The following NSD2 variants were observed in gnomAD, a reference collection of about 807,000 sequenced individuals.
NSD2 encodes the protein nuclear receptor binding SET domain protein 2.
A neutral mutation model predicts 139.0 loss-of-function variants in NSD2; 12 were observed. The ratio of observed to expected loss-of-function variants is 0.09; its 90% CI spans 0.06 to 0.14. NSD2 has a LOEUF of 0.14. NSD2 is among the 10% of genes least tolerant of loss of function. The pLI is 1.00. For synonymous variants in NSD2, 669 were observed against 648.7 expected (o/e 1.03, Z -0.48); for missense variants, 1,155 against 1,745.0 (o/e 0.66, Z 6.02).
chr4:1,948,853 C>G lies in NSD2; in HGVS notation c.1882-2219C>G. On this transcript the variant is annotated intron_variant, in intron 9 of 21. Coordinates refer to ENST00000508803, the MANE Select transcript of NSD2 (RefSeq NM_001042424.3). The surrounding 1 kb of genome is among the most constrained non-coding windows in gnomAD (Gnocchi z 4.5). ...TGCTTTGTGTTTTCTGTCTTTCTCT[C>G]CATGCATTTTTTTTCTCATTTTTAA... 1 of 986,522 alleles carries G rather than the reference C, an allele frequency of 1.0e-6. No homozygotes were observed. 61.1% of individuals were successfully genotyped at this position (986,522 alleles called of 1,614,324 possible).
At chr4:1,904,569 C>T (rs1373280461) in intron 3 of NSD2, among the ~76,000 whole-genome samples, 191 bp downstream of exon 3, 1 of 152,194 alleles carries the variant, frequency 6.6e-6, no homozygotes, top group Admixed American at 6.5e-5. Flanking sequence ...ATATGTACTT[C>T]ATCTGATTGA....
chr4:1,877,140 G>GA (rs796084991), intron 1 of NSD2, among the ~76,000 whole-genome samples: 68 of 145,872 alleles, frequency 4.7e-4, no homozygotes, highest in South Asian at 1.9e-3. Context: ...CTGTCTCAAG[G>GA]AAAAAAAAAA....
At chr4:1,940,974 G>A (rs1577501122) in intron 9 of NSD2, 5 of 1,057,956 alleles carry the variant, frequency 4.7e-6, no homozygotes, top group South Asian at 4.6e-5. Flanking sequence ...ACCTGTTCAC[G>A]GATGGTGGGA....
At chr4:1,959,993 T>TACA (rs1190686803) in intron 17 of NSD2, among the ~76,000 whole-genome samples, 2 of 152,146 alleles carry the variant, frequency 1.3e-5, no homozygotes, top group African/African-American at 2.4e-5. Context: ...CCCAAGCAGC[T>TACA]GGGACTACAG....
rs192511968 is a variant in NSD2 at position 1,973,873 on chromosome 4, G to A, written c.3373-990G>A. Reference sequence around the variant, plus strand: ...CACGCGGTTGTGCGGTGGATCTGGCGGCTCCTCAGGTGGAGGCCGGGGCCG... The same window carrying A: ...CACGCGGTTGTGCGGTGGATCTGGCAGCTCCTCAGGTGGAGGCCGGGGCCG... On this transcript the variant is annotated intron_variant, in intron 18 of 21. Coordinates refer to ENST00000508803, the MANE Select transcript of NSD2 (RefSeq NM_001042424.3). The surrounding 1 kb of genome is among the most constrained non-coding windows in gnomAD (Gnocchi z 5.5). 0.01 allele frequency among the ~76,000 whole-genome samples: 1,584 copies of A among 152,316 alleles called. 25 individuals are homozygous for A. Among genetic ancestry groups the A allele is most frequent in the African/African-American group, 0.036 (1,485 of 41,582 alleles).
chr4:1,920,199 C>G (rs1472418161), intron 5 of NSD2, among the ~76,000 whole-genome samples: 2 of 152,164 alleles, frequency 1.3e-5, no homozygotes, highest in Admixed American at 6.5e-5. Flanking sequence ...CCTGTAATCT[C>G]AGCACATTGG....
In NSD2 at chr4:1,911,409, G is replaced by A. The variant is rs531050266; in HGVS notation, c.761-5462G>A. Among the ~76,000 whole-genome samples the A allele has an allele frequency of 7.9e-5, 12 of 151,986 alleles. No homozygotes were observed. In the East Asian group the frequency reaches 2.1e-3, roughly 27 times the overall value. Reference sequence around the variant, plus strand: ...TCGAGACCAGCCTGGCCAACGTGATGAAACCCTGTTTCTGCTAACAGTACA... The same window carrying A: ...TCGAGACCAGCCTGGCCAACGTGATAAAACCCTGTTTCTGCTAACAGTACA... On this transcript the variant is annotated intron_variant, in intron 3 of 21. Transcript: ENST00000508803.
At position 1,948,837 on chromosome 4, in the gene NSD2, T is replaced by C; in HGVS notation, c.1882-2235T>C. On this transcript the variant is annotated intron_variant, in intron 9 of 21. Transcript: ENST00000508803. This position sits in a 1 kb window ranked among gnomAD's most constrained non-coding sequence, Gnocchi z 4.5. Reference sequence around the variant, plus strand: ...TCCTCTGACCCAGGACTGCTTTGTGTTTTCTGTCTTTCTCTCCATGCATTT... The same window carrying C: ...TCCTCTGACCCAGGACTGCTTTGTGCTTTCTGTCTTTCTCTCCATGCATTT... 8 of 1,012,122 alleles carry C rather than the reference T, an allele frequency of 7.9e-6. No homozygotes were observed. The highest frequency in any genetic ancestry group is 9.5e-6 in the Non-Finnish European group (8 of 841,568). The allele number at this position is 1,012,122 out of a possible 1,614,324, so 62.7% of individuals were successfully genotyped here. A position where few individuals can be genotyped will look rare whatever the true frequency, so the allele number is the denominator to read the frequency against.
rs772887051 is a variant in NSD2 at position 1,955,386 on chromosome 4, A to T, written c.2518+46A>T. ...TGCGGCACACGCCTCTCACACTCCC[A>T]GGAGCCACATATCAAGGCAGGCTCA... On this transcript the variant is annotated intron_variant, in intron 13 of 21. Transcript: ENST00000508803. This position sits in a 1 kb window ranked among gnomAD's most constrained non-coding sequence, Gnocchi z 4.7. 3.2e-6 allele frequency: 5 copies of T among 1,569,236 alleles called. No homozygotes were observed. Among genetic ancestry groups the T allele is most frequent in the Non-Finnish European group, 3.5e-6 (4 of 1,154,102 alleles).
At position 1,942,650 on chromosome 4, in the gene NSD2, T is replaced by G. The variant is rs565074155; in HGVS notation, c.1881+2872T>G. On this transcript the variant is annotated intron_variant, in intron 9 of 21. Coordinates refer to ENST00000508803, the MANE Select transcript of NSD2 (RefSeq NM_001042424.3). The surrounding 1 kb of genome is among the most constrained non-coding windows in gnomAD (Gnocchi z 4.0). ...TCATATTCCAGTGGTCAATGTAGAT[T>G]TCAAGTTGAAAGGCAGTCCCTTTAG... 2.5e-6 allele frequency: 3 copies of G among 1,183,764 alleles called. No individual in the cohort carries two copies. Among genetic ancestry groups the G allele is most frequent in the Non-Finnish European group, 3.1e-6 (3 of 952,822 alleles). 73.3% of individuals were successfully genotyped at this position (1,183,764 alleles called of 1,614,324 possible).
chr4:1,943,934 G>C, intron 9 of NSD2: 1 of 1,064,276 alleles, frequency 9.4e-7, no homozygotes, highest in Non-Finnish European at 1.1e-6. Context: ...TTAGAAGTCA[G>C]CCAGCGCATA....
chr4:1,877,697 C>A (rs773785747), intron 1 of NSD2, among the ~76,000 whole-genome samples: 1 of 152,274 alleles, frequency 6.6e-6, no homozygotes, highest in South Asian at 2.1e-4. Context: ...TCCAGCCACA[C>A]GGGCCTCTTG....
chr4:1,979,933 C>T lies in NSD2; in HGVS notation c.*1024C>T, dbSNP rs1249436587. 1 of 232,344 alleles carries T rather than the reference C, an allele frequency of 4.3e-6. No individual in the cohort carries two copies. Among genetic ancestry groups the T allele is most frequent in the Non-Finnish European group, 8.5e-6 (1 of 117,532 alleles). 14.4% of individuals were successfully genotyped at this position (232,344 alleles called of 1,614,324 possible). On this transcript the variant is annotated 3_prime_UTR_variant, in exon 22 of 22. Transcript: ENST00000508803. The stretch of plus-strand genomic sequence containing the variant: ...AGGGAGCCCCGTAGGGCGCTGCAGG[C>T]CCCGGGGACCCCAGCACGTGGGTCT...
chr4:1,920,373 CG>C (rs1560648235), intron 5 of NSD2, among the ~76,000 whole-genome samples: 1 of 151,894 alleles, frequency 6.6e-6, no homozygotes. Context: ...TCACTTGAAC[CG>C]GGAGGCCACA....
chr4:1,886,176 A>G (rs1715066238), intron 1 of NSD2, among the ~76,000 whole-genome samples: 1 of 152,106 alleles, frequency 6.6e-6, no homozygotes, highest in African/African-American at 2.4e-5. Flanking sequence ...AGTTCCATCA[A>G]GGCAACCTCT....
rs943154348 is a variant in NSD2, at chr4:1,981,247, A to C, written c.*2338A>C. On this transcript the variant is annotated 3_prime_UTR_variant, in exon 22 of 22. Coordinates refer to ENST00000508803, the MANE Select transcript of NSD2 (RefSeq NM_001042424.3). ...AATGAGCAAGTAACACTAACTTTGA[A>C]TGTCTCTACAATACCCGTTGATAAC... The C allele has an allele frequency of 1.7e-5, 4 of 233,138 alleles. No individual in the cohort carries two copies. The highest frequency in any genetic ancestry group is 3.4e-5 in the Non-Finnish European group (4 of 118,044). 14.4% of individuals were successfully genotyped at this position (233,138 alleles called of 1,614,324 possible). A position where few individuals can be genotyped will look rare whatever the true frequency, so the allele number is the denominator to read the frequency against.
In NSD2 at chr4:1,953,440, T is replaced by C. The variant is rs763576743; in HGVS notation, c.2254T>C (p.Phe752Leu). ...ACVKKYPLTV[F>L]ESRGFRCPLH... ...TGTGAAAAAATACCCTCTGACTGTA[T>C]TTGAGAGCCGAGGTTTCCGCTGCCC... Residue 752 changes from phenylalanine (F) to leucine (L), a missense_variant, in exon 12 of 22, where the codon TTT becomes CTT. By Grantham distance (22) the Phe-to-Leu change is conservative. Around this residue, in one of 8 missense-constraint regions of NSD2, gnomAD observed 120 missense variants for 239.3 expected, o/e 0.50. Coordinates refer to ENST00000508803, the MANE Select transcript of NSD2 (RefSeq NM_001042424.3). 9 of 1,614,064 alleles carry C rather than the reference T, an allele frequency of 5.6e-6. No individual in the cohort carries two copies. Among genetic ancestry groups the C allele is most frequent in the Non-Finnish European group, 7.6e-6 (9 of 1,180,044 alleles).
Position 1,955,893 on chromosome 4 carries a change from C to T in NSD2, c.2675+44C>T. The stretch of plus-strand genomic sequence containing the variant: ...TATGCTTTTATGTCTTTTCTGTTCA[C>T]ATGTGTTCGCTTTACAGTACTTAAA... On this transcript the variant is annotated intron_variant, in intron 14 of 21. Coordinates refer to ENST00000508803, the MANE Select transcript of NSD2 (RefSeq NM_001042424.3). The surrounding 1 kb of genome is among the most constrained non-coding windows in gnomAD (Gnocchi z 4.7). 1 of 1,610,156 alleles carries T rather than the reference C, an allele frequency of 6.2e-7. No homozygotes were observed. Among genetic ancestry groups the T allele is most frequent in the Non-Finnish European group, 8.5e-7 (1 of 1,176,898 alleles).
At chr4:1,963,239 C>T (rs1004033152) in intron 18 of NSD2, among the ~76,000 whole-genome samples, 6 of 152,168 alleles carry the variant, frequency 3.9e-5, no homozygotes, top group Non-Finnish European at 8.8e-5. Context: ...GTACACAGCG[C>T]CTCTAGGACC....
Sources: allele counts gnomAD v4.1 joint callset (sites outside exome capture counted in the v4.1 genomes callset), GRCh38; gene constraint gnomAD v4.1.1; regional missense constraint gnomAD v4.1.1; non-coding constraint Gnocchi (gnomAD v3.1); transcripts MANE v1.5; gene names NCBI Gene and HGNC (gene_info 2026-07-23, HGNC 2026-07-21).